The following PIEZO1 variants were observed in gnomAD, a reference collection of about 807,000 sequenced individuals.
PIEZO1 encodes the protein piezo type mechanosensitive ion channel component 1 (Er blood group).
Under a neutral mutation model 297.2 loss-of-function variants are expected in PIEZO1, and 296 were observed. That is an observed-to-expected ratio of 1.00 (90% CI 0.91 to 1.10). PIEZO1 has a LOEUF of 1.10. Among genes scored for constraint, PIEZO1 ranks in the 50% least tolerant of loss-of-function variants. The pLI is 0.00. For synonymous variants in PIEZO1, 2,427 were observed against 1,507.5 expected (o/e 1.61, Z -14.13); for missense variants, 5,018 against 3,455.5 (o/e 1.45, Z -11.34).
At chr16:88,725,931 G>A in intron 27 of PIEZO1, 1 of 571,252 alleles carries the variant, frequency 1.8e-6, no homozygotes. Context: ...CTGCAGGGAA[G>A]AAGGCAAAGC....
rs1345054232 is a variant in PIEZO1 at position 88,715,865 on chromosome 16, A to T, written c.7317-11T>A. On this transcript the variant is annotated splice_polypyrimidine_tract_variant and intron_variant, in intron 50 of 50. Transcript: ENST00000301015. ...TACAGCCCCATGATGCTGCGGGGGA[A>T]GCTGGTGAGTCCTGGGGCCGCCCGG... 8 of 1,549,094 alleles carry T rather than the reference A, an allele frequency of 5.2e-6. No homozygotes were observed. In the East Asian group the frequency reaches 2.0e-4, roughly 38 times the overall value.
rs1256971203 is a variant in PIEZO1 at position 88,727,203 on chromosome 16, C to T, written c.3302-11G>A. 1 of 1,525,438 alleles carries T rather than the reference C, an allele frequency of 6.6e-7. No individual in the cohort carries two copies. Among genetic ancestry groups the T allele is most frequent in the Non-Finnish European group, 8.8e-7 (1 of 1,133,386 alleles). The allele number at this position is 1,525,438 out of a possible 1,614,324, so 94.5% of individuals were successfully genotyped here. ...GCAGGAGAAAGTCGCCTGCAGGACA[C>T]AGGAGCCGCCGCTGTGCCACACGGG... On this transcript the variant is annotated splice_polypyrimidine_tract_variant and intron_variant, in intron 23 of 50. Coordinates refer to ENST00000301015, the MANE Select transcript of PIEZO1 (RefSeq NM_001142864.4).
At chr16:88,778,221 A>T (rs1012835705) in intron 1 of PIEZO1, among the ~76,000 whole-genome samples, 5 of 152,012 alleles carry the variant, frequency 3.3e-5, no homozygotes, top group Admixed American at 6.6e-5. Context: ...TTGGGGGTAG[A>T]GCTGTGGCAC....
chr16:88,764,341 C>G (rs186273938), intron 1 of PIEZO1, among the ~76,000 whole-genome samples: 1 of 152,154 alleles, frequency 6.6e-6, no homozygotes, highest in African/African-American at 2.4e-5. Context: ...CCACCAGCGT[C>G]GCTGGATCCT....
chr16:88,743,666 A>G, intron 2 of PIEZO1: 2 of 456,588 alleles, frequency 4.4e-6, no homozygotes, highest in South Asian at 3.1e-5. Context: ...TTTCTGGAGC[A>G]AAGACTCATG....
At chr16:88,747,190 C>T (rs1906105314) in intron 2 of PIEZO1, among the ~76,000 whole-genome samples, 1 of 151,370 alleles carries the variant, frequency 6.6e-6, no homozygotes, top group South Asian at 2.1e-4. Flanking sequence ...ATGATCATGC[C>T]ACTGCTCTCC....
rs1905098907 is a variant in PIEZO1, at chr16:88,734,872, C to T, written c.1848+3G>A. 1.9e-6 allele frequency: 3 copies of T among 1,550,354 alleles called. No individual in the cohort carries two copies. The highest frequency in any genetic ancestry group is 2.6e-6 in the Non-Finnish European group (3 of 1,146,960). On this transcript the variant is annotated splice_donor_region_variant and intron_variant, in intron 14 of 50. Transcript: ENST00000301015. Reference sequence around the variant, plus strand: ...CCAGCCCCCATCCCGGCCCCCCAGCCACCTGGAAGAGGGTGAGGCAGAGCA... The same window carrying T: ...CCAGCCCCCATCCCGGCCCCCCAGCTACCTGGAAGAGGGTGAGGCAGAGCA...
intron 44 of PIEZO1, 176 bp from the exon 45 acceptor site, chr16:88,717,387 G>A (rs1912127584): frequency 1.5e-6 from 1 of 658,954 alleles, no homozygotes; most frequent in Non-Finnish European, 2.7e-6. Flanking sequence ...AGTCCAGTTG[G>A]AACCCTCATG....
Position 88,732,716 on chromosome 16 carries a change from G to C in PIEZO1, c.2681C>G (p.Thr894Ser). 1.3e-6 allele frequency: 2 copies of C among 1,548,000 alleles called. No individual in the cohort carries two copies. Among genetic ancestry groups the C allele is most frequent in the Non-Finnish European group, 1.7e-6 (2 of 1,145,586 alleles). Residue 894 changes from threonine to serine, a missense_variant, in exon 20 of 51, where the codon ACC becomes AGC. By Grantham distance (58) the Thr-to-Ser change is moderately conservative. Transcript: ENST00000301015. ...GCTGATCTCCGTGGGCAGCAAGTTGGTGCTGTTGGGGAAGGGCTGGCAAGA... is the reference window on the plus strand; with the variant it reads ...GCTGATCTCCGTGGGCAGCAAGTTGCTGCTGTTGGGGAAGGGCTGGCAAGA... ...SNCTEPFPNSTNLLPTEISQS... is the reference protein window; with the variant it reads ...SNCTEPFPNSSNLLPTEISQS...
intron 19 of PIEZO1, 157 bp from the exon 20 acceptor site, chr16:88,732,889 G>A (rs1904960591): frequency 5.5e-6 from 4 of 721,738 alleles, no homozygotes; most frequent in South Asian, 3.8e-5. Context: ...CGGGGAAGGG[G>A]ACCAGGTGTT....
intron 2 of PIEZO1, among the ~76,000 whole-genome samples, chr16:88,747,507 C>A (rs1248197249): frequency 6.6e-6 from 1 of 152,200 alleles, no homozygotes; most frequent in Admixed American, 6.5e-5. Context: ...CAGAGTGAGA[C>A]TCCATCTCAA....
At chr16:88,756,927 G>T (rs1020125527) in intron 1 of PIEZO1, among the ~76,000 whole-genome samples, 8 of 151,978 alleles carry the variant, frequency 5.3e-5, no homozygotes, top group East Asian at 1.9e-4. Context: ...ATACAAAAAA[G>T]TAGCCGGGTG....
At chr16:88,724,789 C>A (rs965149083) in intron 30 of PIEZO1, among the ~76,000 whole-genome samples, 5 of 152,188 alleles carry the variant, frequency 3.3e-5, no homozygotes, top group African/African-American at 1.2e-4. Context: ...CTCCGAGACT[C>A]CCACTGTTGG....
rs752495692 is a variant in PIEZO1 at position 88,726,946 on chromosome 16, G to T, written c.3468C>A (p.Asp1156Glu). The change falls in exon 25 of 51, where the codon GAC becomes GAA. Residue 1156 changes from aspartate (D) to glutamate (E), a missense_variant. Asp to Glu is a conservative substitution (Grantham distance 45). Transcript: ENST00000301015. ...ATCGGAAGACGGCCACCTTCAGCAT[G>T]TCAAGGTAGGACCTGCCAGGCCGGA... ...PNFIHCRSYL[D>E]MLKVAVFRYL... is the part of the protein sequence containing the mutation. 6.4e-7 allele frequency: 1 copy of T among 1,550,456 alleles called. No homozygotes were observed. The highest frequency in any genetic ancestry group is 8.7e-7 in the Non-Finnish European group (1 of 1,146,926).
At chr16:88,776,332 G>A (rs544414486) in intron 1 of PIEZO1, among the ~76,000 whole-genome samples, 2 of 152,208 alleles carry the variant, frequency 1.3e-5, no homozygotes, top group Non-Finnish European at 2.9e-5. Context: ...TACTCGGGAG[G>A]CTGAGGAAGG....
Position 88,733,951 on chromosome 16 carries a change from C to A in PIEZO1, c.2284G>T (p.Gly762Trp), listed in dbSNP as rs1043472111. The A allele has an allele frequency of 3.9e-6, 6 of 1,547,054 alleles. No individual in the cohort carries two copies. The African/African-American group carries it at 4.1e-5, about 11-fold the overall frequency. The change falls in exon 17 of 51, where the codon GGG (glycine) becomes TGG (tryptophan). Residue 762 changes from glycine (G) to tryptophan (W), a missense_variant. Gly to Trp is a radical substitution (Grantham distance 184, BLOSUM62 -2). Transcript: ENST00000301015. ...TGGTGGGGAGTGGCCACGCCCAGCC[C>A]CTCGTCCCTGGAGTCCTCCTCCTCC... ...EEEEEDSRDE[G>W]LGVATPHQAT...
chr16:88,777,899 C>T (rs1907738915), intron 1 of PIEZO1, among the ~76,000 whole-genome samples: 1 of 152,288 alleles, frequency 6.6e-6, no homozygotes, highest in South Asian at 2.1e-4. Context: ...CCTCCCTAAA[C>T]CCACATCTGT....
chr16:88,719,788 G>A lies in PIEZO1; in HGVS notation c.6323+14C>T, dbSNP rs754222981. The A allele has an allele frequency of 6.1e-5, 94 of 1,550,304 alleles. No individual in the cohort carries two copies. In the African/African-American group the frequency reaches 7.5e-4, roughly 12 times the overall value. ...CCCGGGCCGTGACCCCCACCCCGGC[G>A]GACCTGCACTCACCCCTGGAAGAGG... On this transcript the variant is annotated intron_variant, in intron 43 of 50. Transcript: ENST00000301015.
At chr16:88,758,049 G>C (rs1239135744) in intron 1 of PIEZO1, among the ~76,000 whole-genome samples, 1 of 152,148 alleles carries the variant, frequency 6.6e-6, no homozygotes, top group Non-Finnish European at 1.5e-5. Context: ...AGACGAATAG[G>C]CCCTCCGGGG....
Sources: gnomAD v4.1 joint callset for allele counts (sites outside exome capture counted in the v4.1 genomes callset) on GRCh38, gnomAD v4.1.1 for gene constraint, MANE v1.5 for transcripts, NCBI Gene and HGNC (gene_info 2026-07-23, HGNC 2026-07-21) for gene names.